The following IL1RAPL1 variants were observed in gnomAD, a reference collection of about 807,000 sequenced individuals.
IL1RAPL1 encodes interleukin 1 receptor accessory protein like 1.
IL1RAPL1 carries 3 observed loss-of-function variants against 48.4 expected under a neutral mutation model. That is an observed-to-expected ratio of 0.06 (90% confidence interval 0.03 to 0.16). The LOEUF (loss-of-function observed/expected upper bound fraction) is 0.16, where lower values mean the gene tolerates loss of function less well. IL1RAPL1 is among the 10% of genes least tolerant of loss of function. The pLI is 1.00. For synonymous variants in IL1RAPL1, 185 were observed against 187.7 expected (o/e 0.99, Z 0.12); for missense variants, 349 against 530.6 (o/e 0.66, Z 3.36).
intron 2 of IL1RAPL1, chrX:28,983,030 A>T (rs1569213228): frequency 9.0e-6 from 1 of 111,622 alleles, no homozygotes; most frequent in African/African-American, 3.3e-5. Flanking sequence ...CCTGCATTCA[A>T]CTATAATTTC....
chrX:28,829,002 A>G, intron 2 of IL1RAPL1, among the ~76,000 whole-genome samples: 1 of 112,096 alleles, frequency 8.9e-6, no homozygotes, highest in Non-Finnish European at 1.9e-5. Flanking sequence ...GGATTTATTT[A>G]GGTCTTTAAT....
At chrX:29,830,606 C>T (rs940507651) in intron 6 of IL1RAPL1, among the ~76,000 whole-genome samples, 13 of 110,237 alleles carry the variant, frequency 1.2e-4, no homozygotes, top group African/African-American at 2.6e-4. Context: ...CCCGCCACCA[C>T]GCCTGGCTGA....
chrX:29,659,432 CTTT>C (rs1188721389), intron 5 of IL1RAPL1, among the ~76,000 whole-genome samples: 13 of 111,840 alleles, frequency 1.2e-4, no homozygotes, highest in Non-Finnish European at 1.9e-5. Context: ...GCCACATTTT[CTTT>C]TTATTATTTT....
intron 2 of IL1RAPL1, among the ~76,000 whole-genome samples, chrX:29,198,577 A>G (rs1490789674): frequency 9.0e-6 from 1 of 111,638 alleles, no homozygotes; most frequent in Non-Finnish European, 1.9e-5. Context: ...TACAGATGTA[A>G]GCCACTGCGC....
intron 2 of IL1RAPL1, chrX:28,982,960 T>C (rs904920611): frequency 2.7e-5 from 3 of 111,855 alleles, no homozygotes; most frequent in African/African-American, 9.8e-5. Context: ...CAGAGTGGTA[T>C]GGCCATAGAC....
chrX:29,954,707 T>TCA lies in IL1RAPL1; in HGVS notation c.1372+16_1372+17dup. ...CCCAACTGGAAGTAAGTTAATGTTTTCATTTGAGAGTGTGCATATTCATGT... is the reference window on the plus strand; with the variant it reads ...CCCAACTGGAAGTAAGTTAATGTTTTCACATTTGAGAGTGTGCATATTCATGT... On this transcript the variant is annotated intron_variant, in intron 10 of 10. Coordinates refer to ENST00000378993, the MANE Select transcript of IL1RAPL1 (RefSeq NM_014271.4). 8.7e-7 allele frequency: 1 copy of TCA among 1,145,308 alleles called. No homozygotes were observed. Among genetic ancestry groups the TCA allele is most frequent in the Admixed American group, 2.2e-5 (1 of 46,028 alleles). 94.4% of individuals were successfully genotyped at this position (1,145,308 alleles called of 1,213,427 possible). A position where few individuals can be genotyped will look rare whatever the true frequency, so the allele number is the denominator to read the frequency against.
chrX:29,706,492 T>C (rs1411334542), intron 6 of IL1RAPL1, among the ~76,000 whole-genome samples: 4 of 111,521 alleles, frequency 3.6e-5, no homozygotes, highest in Non-Finnish European at 7.5e-5. Flanking sequence ...AATTCAGCCA[T>C]TCCAAATGGG....
chrX:29,718,511 C>T (rs1360395590), intron 6 of IL1RAPL1, among the ~76,000 whole-genome samples: 1 of 104,962 alleles, frequency 9.5e-6, no homozygotes, highest in Admixed American at 1.0e-4. Flanking sequence ...ATGTAGGTGA[C>T]GGGTTGATGG....
chrX:29,944,567 TA>T (rs1222444886), intron 9 of IL1RAPL1, among the ~76,000 whole-genome samples: 1 of 112,330 alleles, frequency 8.9e-6, no homozygotes, highest in Non-Finnish European at 1.9e-5. Flanking sequence ...AAAAAACTCA[TA>T]ACCTTGCTTC....
At position 28,986,787 on chromosome X, in the gene IL1RAPL1, G is replaced by A. The variant is rs1164786507; in HGVS notation, c.82+197362G>A. On this transcript the variant is annotated intron_variant, in intron 2 of 10. Coordinates refer to ENST00000378993, the MANE Select transcript of IL1RAPL1 (RefSeq NM_014271.4). The stretch of plus-strand genomic sequence containing the variant: ...TAAATTTTTAATTTGCTAATCCCAA[G>A]GGAAGGATTATTTTCTTAGGATTAA... Among the ~76,000 whole-genome samples, 3 of 111,957 alleles carry A rather than the reference G, an allele frequency of 2.7e-5. No homozygotes were observed. In the Admixed American group the frequency reaches 2.8e-4, roughly 11 times the overall value.
intron 3 of IL1RAPL1, among the ~76,000 whole-genome samples, chrX:29,362,935 C>T (rs1933396504): frequency 8.9e-6 from 1 of 111,854 alleles, no homozygotes; most frequent in Non-Finnish European, 1.9e-5. Context: ...GCATTATCTT[C>T]TCAATCCTTA....
chrX:29,674,564 C>T (rs776788306), intron 6 of IL1RAPL1, among the ~76,000 whole-genome samples: 1 of 112,044 alleles, frequency 8.9e-6, no homozygotes, highest in South Asian at 3.8e-4. Context: ...AGTTAAAGCA[C>T]TTTTTTAAAA....
At chrX:29,936,809 A>G (rs1933040918) in intron 8 of IL1RAPL1, among the ~76,000 whole-genome samples, 1 of 111,799 alleles carries the variant, frequency 8.9e-6, no homozygotes, top group African/African-American at 3.2e-5. Flanking sequence ...AAGAGATGGC[A>G]CGCACTTTAT....
chrX:29,492,767 A>C (rs1432672719), intron 5 of IL1RAPL1, among the ~76,000 whole-genome samples: 3 of 111,951 alleles, frequency 2.7e-5, no homozygotes, highest in East Asian at 5.6e-4. Context: ...GGAAATATTC[A>C]TATATTTTAG....
chrX:29,389,837 A>C (rs1224385103), intron 3 of IL1RAPL1, among the ~76,000 whole-genome samples: 1 of 111,972 alleles, frequency 8.9e-6, no homozygotes. Flanking sequence ...CATCTGCTCA[A>C]TGGTCTCATT....
At chrX:29,145,896 C>T (rs762001340) in intron 2 of IL1RAPL1, among the ~76,000 whole-genome samples, 46 of 112,046 alleles carry the variant, frequency 4.1e-4, no homozygotes, top group African/African-American at 1.4e-3. Flanking sequence ...CCAGCTCCAA[C>T]GCTAGCATCC....
chrX:29,745,516 G>A (rs753882583), intron 6 of IL1RAPL1, among the ~76,000 whole-genome samples: 2 of 85,927 alleles, frequency 2.3e-5, no homozygotes, highest in East Asian at 4.2e-4. Flanking sequence ...GTGCGGTCTT[G>A]GCTCACTGCA....
intron 5 of IL1RAPL1, among the ~76,000 whole-genome samples, chrX:29,644,512 G>A (rs1402004115): frequency 9.1e-6 from 1 of 110,427 alleles, no homozygotes; most frequent in Non-Finnish European, 1.9e-5. Context: ...AGGACTACAT[G>A]GCTAATCTTT....
intron 5 of IL1RAPL1, among the ~76,000 whole-genome samples, chrX:29,407,115 G>A (rs1303904610): frequency 3.6e-5 from 4 of 111,270 alleles, no homozygotes; most frequent in Non-Finnish European, 7.5e-5. Context: ...TAACCAAAAA[G>A]TGTATAAAAT....
Sources: allele counts gnomAD v4.1 joint callset (sites outside exome capture counted in the v4.1 genomes callset), GRCh38; gene constraint gnomAD v4.1.1; transcripts MANE v1.5; gene names NCBI Gene and HGNC (gene_info 2026-07-23, HGNC 2026-07-21).